The following AGAP6 variants were observed in gnomAD, a reference collection of about 807,000 sequenced individuals.
AGAP6 encodes ArfGAP with GTPase domain, ankyrin repeat and PH domain 6, also known as arf-GAP with GTPase, ANK repeat and PH domain-containing protein 6.
In AGAP6, 29 loss-of-function variants were observed where a neutral mutation model predicts 63.9. The ratio of observed to expected loss-of-function variants is 0.45; its 90% confidence interval spans 0.34 to 0.62. The LOEUF (loss-of-function observed/expected upper bound fraction) is 0.62. Among genes scored for constraint, AGAP6 ranks in the 20% least tolerant of loss-of-function variants. The probability of loss-of-function intolerance (pLI) is 0.01; values close to 1 mark genes in which losing one functional copy is unlikely to be tolerated. For missense variants in AGAP6, 493 were observed against 884.9 expected, an observed-to-expected ratio of 0.56 and a Z score of 5.62; for synonymous variants, 199 against 332.9, an observed-to-expected ratio of 0.60 and a Z score of 4.38.
At chr10:50,005,901 CAGAG>C (rs1554863816) in intron 6 of AGAP6, among the ~76,000 whole-genome samples, 3 of 145,640 alleles carry the variant, frequency 2.1e-5, no homozygotes, top group African/African-American at 7.5e-5. Context: ...GCCTGGGTGA[CAGAG>C]AGAGACTCTG....
rs1277346582 is a variant in AGAP6, at chr10:50,008,212, G to A, written c.585+136G>A. On this transcript the variant is annotated intron_variant, in intron 7 of 7. Coordinates refer to ENST00000412531, the MANE Select transcript of AGAP6 (RefSeq NM_001077665.3). ...TCATCTTAAGTGTTGTAAAAAGAATGTGCTGGAGTAAGAACTGATCTGCAG... is the reference window on the plus strand; with the variant it reads ...TCATCTTAAGTGTTGTAAAAAGAATATGCTGGAGTAAGAACTGATCTGCAG... 3.3e-6 allele frequency: 5 copies of A among 1,499,254 alleles called. No homozygotes were observed. In the African/African-American group the frequency reaches 5.6e-5, roughly 17 times the overall value. 92.9% of individuals were successfully genotyped at this position (1,499,254 alleles called of 1,614,324 possible).
In AGAP6 at chr10:50,009,727, T is replaced by C. The variant is rs1842039676; in HGVS notation, c.1602T>C (p.Ser534=). The C allele has an allele frequency of 6.2e-7, 1 of 1,614,080 alleles. No individual in the cohort carries two copies. The highest frequency in any genetic ancestry group is 1.1e-5 in the South Asian group (1 of 91,094). Residue 534 remains serine (S), a synonymous_variant, in exon 8 of 8, where the codon TCT becomes TCC. Coordinates refer to ENST00000412531, the MANE Select transcript of AGAP6 (RefSeq NM_001077665.3). ...WPVELRKVMS[S]IVNDLANSIW... ...TTGAGCTCAGGAAGGTTATGTCATCTATTGTCAATGACCTAGCCAACAGCA... is the reference window on the plus strand; with the variant it reads ...TTGAGCTCAGGAAGGTTATGTCATCCATTGTCAATGACCTAGCCAACAGCA...
intron 6 of AGAP6, among the ~76,000 whole-genome samples, chr10:50,007,395 A>C (rs1841951482): frequency 3.8e-5 from 2 of 52,240 alleles, no homozygotes; most frequent in South Asian, 9.1e-4. Flanking sequence ...TTGGTCTCAA[A>C]AAAAAAAAAA....
At chr10:49,993,662 A>G (rs2132124316) in intron 3 of AGAP6, among the ~76,000 whole-genome samples, 1 of 152,118 alleles carries the variant, frequency 6.6e-6, no homozygotes, top group East Asian at 1.9e-4. Flanking sequence ...CTAAAAATAC[A>G]AAAAACAATT....
At chr10:49,997,398 C>T (rs61848267) in intron 4 of AGAP6, among the ~76,000 whole-genome samples, 1 of 152,138 alleles carries the variant, frequency 6.6e-6, no homozygotes, top group African/African-American at 2.4e-5. Context: ...ACTCAGGAGG[C>T]TGAGGCAGAG....
rs782547018 is a variant in AGAP6, at chr10:50,009,628, A to C, written c.1503A>C (p.Glu501Asp). ...ACTTGGGAGTCCTCATGTGTATTGAATGCTCAGGTATCCACCGCAGTCTTG... is the reference window on the plus strand; with the variant it reads ...ACTTGGGAGTCCTCATGTGTATTGACTGCTCAGGTATCCACCGCAGTCTTG... ...SLNLGVLMCI[E>D]CSGIHRSLGP... is the part of the protein sequence containing the mutation. Residue 501 changes from glutamate to aspartate, a missense_variant, in exon 8 of 8, where the codon GAA becomes GAC. By Grantham distance (45) the Glu-to-Asp change is conservative (BLOSUM62 2). This residue lies in a region of AGAP6 where 87 missense variants were observed against 92.9 expected (regional missense o/e 0.94). Coordinates refer to ENST00000412531, the MANE Select transcript of AGAP6 (RefSeq NM_001077665.3). 1 of 1,613,522 alleles carries C rather than the reference A, an allele frequency of 6.2e-7. No homozygotes were observed. The highest frequency in any genetic ancestry group is 1.7e-5 in the Admixed American group (1 of 59,978).
chr10:50,009,023 T>C lies in AGAP6; in HGVS notation c.898T>C (p.Trp300Arg). 2 of 1,613,700 alleles carry C rather than the reference T, an allele frequency of 1.2e-6. No homozygotes were observed. Among genetic ancestry groups the C allele is most frequent in the Non-Finnish European group, 1.7e-6 (2 of 1,179,846 alleles). Residue 300 changes from tryptophan (W) to arginine (R), a missense_variant, in exon 8 of 8, where the codon TGG (tryptophan) becomes CGG (arginine). Trp to Arg is a moderately radical substitution (Grantham distance 101). Around this residue, in one of 7 missense-constraint regions of AGAP6, gnomAD observed 342 missense variants for 533.4 expected, o/e 0.64. Coordinates refer to ENST00000412531, the MANE Select transcript of AGAP6 (RefSeq NM_001077665.3). ...LKRSGKWLKT[W>R]KKKYVTLCSN... is the part of the protein sequence containing the mutation. Reference sequence around the variant, plus strand: ...GCGAAGTGGGAAATGGCTGAAGACATGGAAAAAGAAATACGTCACCCTGTG... The same window carrying C: ...GCGAAGTGGGAAATGGCTGAAGACACGGAAAAAGAAATACGTCACCCTGTG...
chr10:50,007,106 T>C (rs1468972476), intron 6 of AGAP6, among the ~76,000 whole-genome samples: 2 of 151,852 alleles, frequency 1.3e-5, no homozygotes, highest in African/African-American at 2.4e-5. Context: ...TTCAGAACAG[T>C]GTTGGCCAGG....
At chr10:50,004,043 G>C (rs1360643025) in intron 5 of AGAP6, among the ~76,000 whole-genome samples, 10 of 152,242 alleles carry the variant, frequency 6.6e-5, no homozygotes, top group African/African-American at 2.2e-4. Context: ...AAATTAGCTG[G>C]GCGTGGTGGC....
rs1842054281 is a variant in AGAP6, at chr10:50,010,010, C to T, written c.1885C>T (p.His629Tyr). 3 of 1,611,632 alleles carry T rather than the reference C, an allele frequency of 1.9e-6. No individual in the cohort carries two copies. The highest frequency in any genetic ancestry group is 2.5e-6 in the Non-Finnish European group (3 of 1,179,824). ...CGEGDGCTALHLACRKGNVVL... is the reference protein window; with the variant it reads ...CGEGDGCTALYLACRKGNVVL... ...GGAGGGAGACGGCTGCACGGCGCTC[C>T]ATCTGGCCTGCCGCAAGGGGAATGT... is the stretch of plus-strand genomic sequence containing the variant. The change falls in exon 8 of 8, where the codon CAT becomes TAT. Residue 629 changes from histidine to tyrosine, a missense_variant. His to Tyr is a moderately conservative substitution (Grantham distance 83). Around this residue, in one of 7 missense-constraint regions of AGAP6, gnomAD observed 34 missense variants for 82.7 expected, o/e 0.41. Transcript: ENST00000412531.
intron 5 of AGAP6, among the ~76,000 whole-genome samples, chr10:50,004,393 C>T (rs1211456734): frequency 7.3e-5 from 11 of 150,896 alleles, no homozygotes; most frequent in African/African-American, 1.7e-4. Flanking sequence ...TCGCATGGGA[C>T]GAAAGGTTTC....
At chr10:49,993,841 T>A (rs1367714044) in intron 3 of AGAP6, among the ~76,000 whole-genome samples, 4 of 145,628 alleles carry the variant, frequency 2.7e-5, no homozygotes, top group Admixed American at 1.4e-4. Flanking sequence ...AAAAAAAAAT[T>A]AAGATATGTT....
At chr10:49,992,825 G>A (rs181261473) in intron 3 of AGAP6, among the ~76,000 whole-genome samples, 24 of 151,872 alleles carry the variant, frequency 1.6e-4, no homozygotes, top group African/African-American at 3.1e-4. Context: ...GCAATGGCAC[G>A]ATCTTGGCTC....
intron 2 of AGAP6, among the ~76,000 whole-genome samples, chr10:49,991,390 T>TG (rs200442720): frequency 1.5e-3 from 218 of 149,524 alleles, no homozygotes; most frequent in African/African-American, 4.4e-3. Flanking sequence ...TTCTGTTTTT[T>TG]TTTTTTTTTT....
chr10:49,990,303 G>A (rs1216655941), intron 2 of AGAP6, among the ~76,000 whole-genome samples: 2 of 152,130 alleles, frequency 1.3e-5, no homozygotes, highest in Admixed American at 6.6e-5. Flanking sequence ...AAATTAGCTG[G>A]GCGTAGTGGC....
chr10:49,991,799 C>A, intron 3 of AGAP6, 55 bp downstream of exon 3: 4 of 1,596,096 alleles, frequency 2.5e-6, no homozygotes, highest in Non-Finnish European at 3.4e-6. Flanking sequence ...CTTGTTTGAT[C>A]AGGTTATAGA....
At chr10:50,001,581 G>A (rs1385816708) in intron 4 of AGAP6, among the ~76,000 whole-genome samples, 3 of 103,186 alleles carry the variant, frequency 2.9e-5, no homozygotes, top group African/African-American at 6.8e-5. Context: ...TACCACGCCC[G>A]GCTAATTTTT....
intron 6 of AGAP6, among the ~76,000 whole-genome samples, chr10:50,007,748 AAT>A (rs1841964199): frequency 6.6e-6 from 1 of 151,714 alleles, no homozygotes; most frequent in Non-Finnish European, 1.5e-5. Flanking sequence ...GAAGAGTGAA[AAT>A]ATGTTTGGTT....
At position 50,008,943 on chromosome 10, in the gene AGAP6, C is replaced by T. The variant is rs782128909; in HGVS notation, c.818C>T (p.Ala273Val). The T allele has an allele frequency of 7.4e-5, 119 of 1,613,992 alleles. No homozygotes were observed. The South Asian group carries it at 8.6e-4, about 12-fold the overall frequency. ...GAGAGGAAAGCCCCGGAGAATCATG[C>T]TGACACCATCGGGAGCGGTAGAGCC... The part of the protein sequence containing the change: ...DKERKAPENH[A>V]DTIGSGRAIP... Residue 273 changes from alanine to valine, a missense_variant, in exon 8 of 8, where the codon GCT becomes GTT. Ala to Val is a moderately conservative substitution (Grantham distance 64). This residue lies in a region of AGAP6 where 342 missense variants were observed against 533.4 expected (regional missense o/e 0.64). Transcript: ENST00000412531.
Sources: allele counts gnomAD v4.1 joint callset (sites outside exome capture counted in the v4.1 genomes callset), GRCh38; gene constraint gnomAD v4.1.1; regional missense constraint gnomAD v4.1.1; transcripts MANE v1.5; gene names NCBI Gene and HGNC (gene_info 2026-07-23, HGNC 2026-07-21).